Variants in MARCHF10 observed in about 807,000 individuals in gnomAD.
The protein encoded by MARCHF10 is probable E3 ubiquitin-protein ligase MARCHF10.
A neutral mutation model predicts 76.2 loss-of-function variants in MARCHF10; 64 were observed. That is an observed-to-expected ratio of 0.84 (90% CI 0.69 to 1.03). The LOEUF (loss-of-function observed/expected upper bound fraction) is 1.03, where lower values mean the gene tolerates loss of function less well. MARCHF10 is among the 50% of genes least tolerant of loss of function. The pLI is 0.00. For missense variants in MARCHF10, 875 were observed against 958.0 expected (o/e 0.91, Z 1.14); for synonymous variants, 340 against 357.5 (o/e 0.95, Z 0.55).
chr17:62,723,092 A>T (rs1251911928), intron 7 of MARCHF10, among the ~76,000 whole-genome samples: 1 of 150,976 alleles, frequency 6.6e-6, no homozygotes, highest in Non-Finnish European at 1.5e-5. Context: ...GCCACCTGAG[A>T]ACAGTGAGGG....
intron 3 of MARCHF10, among the ~76,000 whole-genome samples, chr17:62,768,881 T>C (rs1000226476): frequency 3.3e-5 from 5 of 152,198 alleles, no homozygotes; most frequent in Non-Finnish European, 7.3e-5. Flanking sequence ...CCAACCCAAT[T>C]GTCCCCAAGA....
At chr17:62,773,760 C>T (rs2092492434) in intron 3 of MARCHF10, among the ~76,000 whole-genome samples, 3 of 151,942 alleles carry the variant, frequency 2.0e-5, no homozygotes, top group East Asian at 1.9e-4. Flanking sequence ...GAGAGGAGGG[C>T]GTGAAGATTA....
intron 3 of MARCHF10, among the ~76,000 whole-genome samples, chr17:62,767,171 C>G (rs1052465656): frequency 3.9e-5 from 6 of 152,030 alleles, no homozygotes; most frequent in African/African-American, 1.5e-4. Flanking sequence ...AGAGTGGGGT[C>G]CCACTGAAGG....
intron 7 of MARCHF10, 27 bp downstream of exon 7, chr17:62,724,911 G>C: frequency 6.2e-7 from 1 of 1,607,778 alleles, no homozygotes. Context: ...GTCGTGGCAC[G>C]TTCACTGCAC....
At chr17:62,791,520 T>C (rs1038465118) in intron 2 of MARCHF10, among the ~76,000 whole-genome samples, 1 of 152,202 alleles carries the variant, frequency 6.6e-6, no homozygotes, top group Non-Finnish European at 1.5e-5. Flanking sequence ...ATAGATTGGT[T>C]TGCAAAGTTG....
In MARCHF10 at chr17:62,705,182, G is replaced by A; in HGVS notation, c.2371+357C>T. ...AGGGCTTGGGGAGGGTTTTCCTAGA[G>A]GAATCCTGGCAGTAAAAAAACCAAC... On this transcript the variant is annotated intron_variant, in intron 10 of 10. Transcript: ENST00000311269. 7 of 1,212,864 alleles carry A rather than the reference G, an allele frequency of 5.8e-6. No homozygotes were observed. The South Asian group carries it at 9.1e-5, about 16-fold the overall frequency. The allele number at this position is 1,212,864 out of a possible 1,614,324, so 75.1% of individuals were successfully genotyped here. A position where few individuals can be genotyped will look rare whatever the true frequency, so the allele number is the denominator to read the frequency against.
chr17:62,789,339 G>A (rs747381313), intron 2 of MARCHF10, among the ~76,000 whole-genome samples: 2 of 152,114 alleles, frequency 1.3e-5, no homozygotes, highest in Non-Finnish European at 2.9e-5. Context: ...GAGCATGTGT[G>A]TTTCCTGCAC....
chr17:62,797,450 T>C (rs185232981), intron 2 of MARCHF10, among the ~76,000 whole-genome samples: 95 of 152,296 alleles, frequency 6.2e-4, no homozygotes, highest in African/African-American at 2.2e-3. Context: ...GTGATCTGCC[T>C]GCCTTGGCCT....
chr17:62,716,741 C>T (rs1216621795), intron 8 of MARCHF10, among the ~76,000 whole-genome samples: 1 of 151,714 alleles, frequency 6.6e-6, no homozygotes, highest in African/African-American at 2.4e-5. Flanking sequence ...AAACAGTTCA[C>T]TAGTCAGTTA....
intron 6 of MARCHF10, among the ~76,000 whole-genome samples, chr17:62,727,461 G>A (rs1418641022): frequency 3.3e-5 from 5 of 151,920 alleles, no homozygotes; most frequent in Non-Finnish European, 7.4e-5. Flanking sequence ...TTGAGCTCAG[G>A]AGTTCAAGCC....
chr17:62,795,356 C>CAAAAA (rs61564298), intron 2 of MARCHF10, among the ~76,000 whole-genome samples: 25 of 52,940 alleles, frequency 4.7e-4, no homozygotes, highest in African/African-American at 8.4e-4. Context: ...ATCATTTGAT[C>CAAAAA]AAAAAAAAAA....
intron 3 of MARCHF10, among the ~76,000 whole-genome samples, chr17:62,760,257 T>A (rs2092163101): frequency 6.6e-6 from 1 of 152,230 alleles, no homozygotes; most frequent in Non-Finnish European, 1.5e-5. Context: ...GAGTGTGTTT[T>A]GTAGAACGTT....
intron 8 of MARCHF10, among the ~76,000 whole-genome samples, chr17:62,716,800 T>G (rs895992246): frequency 6.6e-6 from 1 of 152,198 alleles, no homozygotes; most frequent in Admixed American, 6.5e-5. Flanking sequence ...GTTCTAGGTT[T>G]CTTTTGGTTT....
At chr17:62,782,692 A>G (rs2092680903) in intron 3 of MARCHF10, among the ~76,000 whole-genome samples, 2 of 152,042 alleles carry the variant, frequency 1.3e-5, no homozygotes, top group South Asian at 4.1e-4. Flanking sequence ...CAAATCTGGG[A>G]GGGGAATCTC....
At position 62,788,497 on chromosome 17, in the gene MARCHF10, T is replaced by A. The variant is rs779082806; in HGVS notation, c.193A>T (p.Arg65Trp). ...CTTCATACCTGTTTGGAAGATGACCTGCTAGAAAACCGGGATCTCTCAAAA... is the reference window on the plus strand; with the variant it reads ...CTTCATACCTGTTTGGAAGATGACCAGCTAGAAAACCGGGATCTCTCAAAA... ...TSFERSRFSS[R>W]SSSKQSSSEE... is the part of the protein sequence containing the mutation. Residue 65 changes from arginine (R) to tryptophan (W), a missense_variant, in exon 3 of 11, where the codon AGG (arginine) becomes TGG (tryptophan). Arg to Trp is a moderately radical substitution (Grantham distance 101). Transcript: ENST00000311269. 6.2e-7 allele frequency: 1 copy of A among 1,614,154 alleles called. No homozygotes were observed. The highest frequency in any genetic ancestry group is 1.1e-5 in the South Asian group (1 of 91,090).
intron 1 of MARCHF10, among the ~76,000 whole-genome samples, chr17:62,806,127 T>C (rs1470216850): frequency 6.6e-6 from 1 of 152,094 alleles, no homozygotes; most frequent in African/African-American, 2.4e-5. Flanking sequence ...ACCAAGAAGA[T>C]GGTGGGTTAC....
In MARCHF10 at chr17:62,770,389, A is replaced by G. The variant is rs114622539; in HGVS notation, c.211-10383T>C. Reference sequence around the variant, plus strand: ...TTTTCCTCTGGGTATATACCCAGCAATGGGATTGTTGGGTTGAATGGAAGC... The same window carrying G: ...TTTTCCTCTGGGTATATACCCAGCAGTGGGATTGTTGGGTTGAATGGAAGC... On this transcript the variant is annotated intron_variant, in intron 3 of 10. Coordinates refer to ENST00000311269, the MANE Select transcript of MARCHF10 (RefSeq NM_152598.4). Among the ~76,000 whole-genome samples, 330 of 152,284 alleles carry G rather than the reference A, an allele frequency of 2.2e-3. 1 individual carries two copies. The highest frequency in any genetic ancestry group is 7.6e-3 in the African/African-American group (315 of 41,558).
intron 1 of MARCHF10, among the ~76,000 whole-genome samples, chr17:62,803,281 CTG>C (rs2093107371): frequency 6.6e-6 from 1 of 151,858 alleles, no homozygotes; most frequent in Non-Finnish European, 1.5e-5. Flanking sequence ...GAGCAAGACC[CTG>C]TCTGTATTTA....
chr17:62,788,192 TC>T (rs1252451826), intron 3 of MARCHF10, among the ~76,000 whole-genome samples: 4 of 152,116 alleles, frequency 2.6e-5, no homozygotes. Context: ...CTGGATGGTG[TC>T]CCATAGACCA....
Sources: allele counts gnomAD v4.1 joint callset (sites outside exome capture counted in the v4.1 genomes callset), GRCh38; gene constraint gnomAD v4.1.1; transcripts MANE v1.5; gene names NCBI Gene and HGNC (gene_info 2026-07-23, HGNC 2026-07-21).